Variants in SMOX observed in about 807,000 individuals in gnomAD.
SMOX encodes the protein flavin containing amine oxidase.
A neutral mutation model predicts 51.0 loss-of-function variants in SMOX; 22 were observed. The ratio of observed to expected loss-of-function variants is 0.43; its 90% CI spans 0.31 to 0.62. The LOEUF is 0.62. Ranked by LOEUF, SMOX falls within the 20% of genes least tolerant of loss-of-function variation. The pLI, the probability that SMOX is intolerant of heterozygous loss-of-function variation, is 0.10. For synonymous variants in SMOX, 282 were observed against 307.8 expected, an observed-to-expected ratio of 0.92 and a Z score of 0.88; for missense variants, 566 against 777.7, an observed-to-expected ratio of 0.73 and a Z score of 3.24.
At position 4,177,801 on chromosome 20, in the gene SMOX, G is replaced by T. The variant is rs1326549347; in HGVS notation, c.435+224G>T. 1.3e-5 allele frequency among the ~76,000 whole-genome samples: 2 copies of T among 152,112 alleles called. No homozygotes were observed. Among genetic ancestry groups the T allele is most frequent in the African/African-American group, 2.4e-5 (1 of 41,426 alleles). On this transcript the variant is annotated intron_variant, in intron 3 of 6. Coordinates refer to ENST00000305958, the MANE Select transcript of SMOX (RefSeq NM_175839.3). The surrounding 1 kb of genome is among the most constrained non-coding windows in gnomAD (Gnocchi z 4.3). The stretch of plus-strand genomic sequence containing the variant: ...TAATAATACATCTATTATGTTAATT[G>T]TATTAATTTATATTCTAATAATATT...
intron 1 of SMOX, among the ~76,000 whole-genome samples, chr20:4,160,223 G>A (rs1986239634): frequency 6.6e-6 from 1 of 152,230 alleles, no homozygotes; most frequent in Non-Finnish European, 1.5e-5. Flanking sequence ...TAGCTTCCCG[G>A]TGGCAGCCCC....
At chr20:4,161,170 C>T (rs969392408) in intron 1 of SMOX, among the ~76,000 whole-genome samples, 1 of 152,204 alleles carries the variant, frequency 6.6e-6, no homozygotes, top group Non-Finnish European at 1.5e-5. Flanking sequence ...CCTCAGCTGC[C>T]AGCTCACACC....
rs908254356 is a variant in SMOX, at chr20:4,153,928, T to C, written c.-27+4951T>C. On this transcript the variant is annotated intron_variant, in intron 1 of 6. Coordinates refer to ENST00000305958, the MANE Select transcript of SMOX (RefSeq NM_175839.3). This position sits in a 1 kb window ranked among gnomAD's most constrained non-coding sequence, Gnocchi z 4.4. The stretch of plus-strand genomic sequence containing the variant: ...TGTGGTCAGCACCTGGCATCTCCTG[T>C]GCCCCAGCCTGGTGTTCAGAGCCTT... Among the ~76,000 whole-genome samples the C allele has an allele frequency of 2.0e-5, 3 of 152,174 alleles. No individual in the cohort carries two copies. Among genetic ancestry groups the C allele is most frequent in the African/African-American group, 7.2e-5 (3 of 41,444 alleles).
In SMOX at chr20:4,183,504, C is replaced by G; in HGVS notation, c.1380C>G (p.Asn460Lys). The G allele has an allele frequency of 6.2e-7, 1 of 1,614,212 alleles. No homozygotes were observed. The highest frequency in any genetic ancestry group is 8.5e-7 in the Non-Finnish European group (1 of 1,180,036). ...CTGACTCTCCATCAGGGAACCCCAA[C>G]ATTCCAAAACCTCGGCGAATCTTGC... ...EMLRQFTGNP[N>K]IPKPRRILRS... The change falls in exon 6 of 7, where the codon AAC (asparagine) becomes AAG (lysine). Residue 460 changes from asparagine (N) to lysine (K), a missense_variant. Physicochemically the swap from Asn to Lys is moderately conservative, Grantham distance 94. Transcript: ENST00000305958. This position sits in a 1 kb window ranked among gnomAD's most constrained non-coding sequence, Gnocchi z 4.3.
At chr20:4,161,082 C>T (rs1986289784) in intron 1 of SMOX, among the ~76,000 whole-genome samples, 1 of 152,232 alleles carries the variant, frequency 6.6e-6, no homozygotes, top group African/African-American at 2.4e-5. Flanking sequence ...GCTGACTGAG[C>T]TGTTCTCCTT....
At position 4,183,661 on chromosome 20, in the gene SMOX, G is replaced by A. The variant is rs377498087; in HGVS notation, c.1530+7G>A. 1.4e-5 allele frequency: 21 copies of A among 1,553,690 alleles called. No individual in the cohort carries two copies. In the African/African-American group the frequency reaches 1.9e-4, roughly 14 times the overall value. ...AGAGAGCTCAAAGACAGCGGTAAGC[G>A]GGGCGTTTGGGGTGAGGAGGGGAGT... On this transcript the variant is annotated splice_region_variant and intron_variant, in intron 6 of 6. Coordinates refer to ENST00000305958, the MANE Select transcript of SMOX (RefSeq NM_175839.3). The surrounding 1 kb of genome is among the most constrained non-coding windows in gnomAD (Gnocchi z 4.3).
rs1177863154 is a variant in SMOX, at chr20:4,182,059, C to T, written c.610-30C>T. 1.3e-6 allele frequency: 2 copies of T among 1,584,822 alleles called. No homozygotes were observed. Among genetic ancestry groups the T allele is most frequent in the African/African-American group, 2.7e-5 (2 of 74,284 alleles). ...CCTACCCCTGCCCAACCCCGGCGGT[C>T]ACCTGGCTTCTCCTTGGGTCTTCCC... is the stretch of plus-strand genomic sequence containing the variant. On this transcript the variant is annotated intron_variant, in intron 4 of 6. Coordinates refer to ENST00000305958, the MANE Select transcript of SMOX (RefSeq NM_175839.3). This position sits in a 1 kb window ranked among gnomAD's most constrained non-coding sequence, Gnocchi z 8.4.
At position 4,172,293 on chromosome 20, in the gene SMOX, C is replaced by T. The variant is rs6139349; in HGVS notation, c.-26-2737C>T. 0.02 allele frequency among the ~76,000 whole-genome samples: 3,044 copies of T among 150,348 alleles called. 138 individuals are homozygous for T. Among genetic ancestry groups the T allele is most frequent in the East Asian group, 0.19 (975 of 5,160 alleles). On this transcript the variant is annotated intron_variant, in intron 1 of 6. Coordinates refer to ENST00000305958, the MANE Select transcript of SMOX (RefSeq NM_175839.3). The surrounding 1 kb of genome is among the most constrained non-coding windows in gnomAD (Gnocchi z 7.7). ...GGCGTCCCCGTCGCAGCTGGCGCGG[C>T]CCCTCCGGAGCACGCCGCGTGTTTA... is the stretch of plus-strand genomic sequence containing the variant.
chr20:4,161,204 T>A (rs1339551741), intron 1 of SMOX, among the ~76,000 whole-genome samples: 1 of 152,206 alleles, frequency 6.6e-6, no homozygotes, highest in Non-Finnish European at 1.5e-5. Context: ...GTGCCCAGGC[T>A]GCAGAATGGG....
At chr20:4,159,068 G>T (rs1986179007) in intron 1 of SMOX, among the ~76,000 whole-genome samples, 1 of 151,742 alleles carries the variant, frequency 6.6e-6, no homozygotes, top group Non-Finnish European at 1.5e-5. Flanking sequence ...AATCTGAAAA[G>T]GTTTGGAGTT....
At position 4,182,326 on chromosome 20, in the gene SMOX, G is replaced by A; in HGVS notation, c.847G>A (p.Glu283Lys). 1 of 1,596,630 alleles carries A rather than the reference G, an allele frequency of 6.3e-7. No homozygotes were observed. Among genetic ancestry groups the A allele is most frequent in the East Asian group, 2.2e-5 (1 of 44,516 alleles). The change falls in exon 5 of 7, where the codon GAG (glutamate) becomes AAG (lysine). Residue 283 changes from glutamate (E) to lysine (K), a missense_variant. Glu to Lys is a moderately conservative substitution (Grantham distance 56). Transcript: ENST00000305958. The surrounding 1 kb of genome is among the most constrained non-coding windows in gnomAD (Gnocchi z 8.4). Reference protein sequence around the residue: ...PRGPEIEPRGEGDHNHDTGEG... With the variant: ...PRGPEIEPRGKGDHNHDTGEG... ...AGGCCCTGAGATTGAGCCCCGGGGTGAGGGCGACCACAATCACGACACTGG... is the reference window on the plus strand; with the variant it reads ...AGGCCCTGAGATTGAGCCCCGGGGTAAGGGCGACCACAATCACGACACTGG...
intron 1 of SMOX, among the ~76,000 whole-genome samples, chr20:4,162,362 C>T (rs376132786): frequency 1.3e-5 from 2 of 152,148 alleles, no homozygotes; most frequent in African/African-American, 4.8e-5. Context: ...GGTGAGTTCC[C>T]GGAGAGAGAG....
In SMOX at chr20:4,174,158, A is replaced by G. The variant is rs78849756; in HGVS notation, c.-26-872A>G. ...CACTTTCTTGGGGGAGGGCGGGACT[A>G]TGTCCTGCCCACCAAATTGCCACTT... is the stretch of plus-strand genomic sequence containing the variant. On this transcript the variant is annotated intron_variant, in intron 1 of 6. Transcript: ENST00000305958. 3.2e-3 allele frequency among the ~76,000 whole-genome samples: 480 copies of G among 152,290 alleles called. 6 individuals are homozygous for G. The highest frequency in any genetic ancestry group is 0.022 in the Admixed American group (343 of 15,306).
At chr20:4,154,003 T>C (rs1042967883) in intron 1 of SMOX, among the ~76,000 whole-genome samples, 3 of 152,202 alleles carry the variant, frequency 2.0e-5, no homozygotes, top group African/African-American at 4.8e-5. Flanking sequence ...ACGTGAGCCA[T>C]GCCAGGTGTG....
intron 1 of SMOX, among the ~76,000 whole-genome samples, chr20:4,162,456 G>A (rs1033389458): frequency 6.6e-6 from 1 of 152,246 alleles, no homozygotes; most frequent in Non-Finnish European, 1.5e-5. Context: ...GTTTCCCTGC[G>A]TGGAGCTCAC....
rs745813389 is a variant in SMOX at position 4,182,797 on chromosome 20, G to C, written c.1318G>C (p.Asp440His). ...GGAGGCCCTCGTCATGGAGAAGTGT[G>C]ATGACGAGGCAGTGGCCGAGATCTG... ...GEEALVMEKC[D>H]DEAVAEICTE... The change falls in exon 5 of 7, where the codon GAT (aspartate) becomes CAT (histidine). Residue 440 changes from aspartate (D) to histidine (H), a missense_variant. Physicochemically the swap from Asp to His is moderately conservative, Grantham distance 81. Around this residue, in one of 3 missense-constraint regions of SMOX, gnomAD observed 347 missense variants for 481.8 expected, o/e 0.72. Transcript: ENST00000305958. This position sits in a 1 kb window ranked among gnomAD's most constrained non-coding sequence, Gnocchi z 8.4. The C allele has an allele frequency of 6.5e-7, 1 of 1,542,044 alleles. No homozygotes were observed. Among genetic ancestry groups the C allele is most frequent in the Admixed American group, 1.8e-5 (1 of 55,402 alleles).
chr20:4,180,209 C>A (rs1158963171), intron 3 of SMOX, among the ~76,000 whole-genome samples: 1 of 152,210 alleles, frequency 6.6e-6, no homozygotes, highest in Non-Finnish European at 1.5e-5. Flanking sequence ...CAAGATGAAA[C>A]AATTTCCCTC....
intron 1 of SMOX, among the ~76,000 whole-genome samples, chr20:4,168,858 T>G (rs1168356498): frequency 2.6e-5 from 4 of 151,852 alleles, no homozygotes; most frequent in African/African-American, 9.7e-5. Context: ...TGCCTGGCTC[T>G]CTCTCTCTTT....
Position 4,175,190 on chromosome 20 carries a change from G to A in SMOX, c.135G>A (p.Glu45=), listed in dbSNP as rs1049159992. Residue 45 remains glutamate, a synonymous_variant, in exon 2 of 7, where the codon GAG becomes GAA. Coordinates refer to ENST00000305958, the MANE Select transcript of SMOX (RefSeq NM_175839.3). ...AGLAAAKALL[E]QGFTDVTVLE... is the part of the protein sequence containing the mutation. The stretch of plus-strand genomic sequence containing the variant: ...TGGCTGCAGCCAAAGCACTTCTTGA[G>A]CAGGGTTTCACGGATGTCACTGTGC... 8 of 1,614,108 alleles carry A rather than the reference G, an allele frequency of 5.0e-6. No homozygotes were observed. The highest frequency in any genetic ancestry group is 5.9e-6 in the Non-Finnish European group (7 of 1,180,054).
Sources: gnomAD v4.1 joint callset for allele counts (sites outside exome capture counted in the v4.1 genomes callset) on GRCh38, gnomAD v4.1.1 for gene constraint, gnomAD v4.1.1 regional missense constraint, Gnocchi (gnomAD v3.1) non-coding constraint, MANE v1.5 for transcripts, NCBI Gene and HGNC (gene_info 2026-07-23, HGNC 2026-07-21) for gene names.